NBEAL1: variants seen among roughly 807,000 people sequenced by gnomAD.
The protein encoded by NBEAL1 is neurobeachin-like protein 1.
A neutral mutation model predicts 351.3 loss-of-function variants in NBEAL1; 273 were observed. The observed-to-expected ratio is 0.78, with a 90% CI of 0.70 to 0.86. The LOEUF (loss-of-function observed/expected upper bound fraction) is 0.86. Ranked by LOEUF, NBEAL1 falls within the 40% of genes least tolerant of loss-of-function variation. The pLI, the probability that NBEAL1 is intolerant of heterozygous loss-of-function variation, is 0.00. For synonymous variants in NBEAL1, 1,050 were observed against 1,086.4 expected (o/e 0.97, Z 0.66); for missense variants, 2,961 against 3,201.3 (o/e 0.92, Z 1.81).
Position 203,221,860 on chromosome 2 carries a change from A to G in NBEAL1, c.*4506A>G, listed in dbSNP as rs560894956. On this transcript the variant is annotated 3_prime_UTR_variant, in exon 56 of 56. Coordinates refer to ENST00000683969, the MANE Select transcript of NBEAL1 (RefSeq NM_001378026.1). ...TAGTGTTATCAGTCATCATTTTAATATGATTTAAAATGTGGACCACAGCCT... is the reference window on the plus strand; with the variant it reads ...TAGTGTTATCAGTCATCATTTTAATGTGATTTAAAATGTGGACCACAGCCT... 2.9e-4 allele frequency among the ~76,000 whole-genome samples: 44 copies of G among 152,270 alleles called. No individual in the cohort carries two copies. The highest frequency in any genetic ancestry group is 4.1e-4 in the South Asian group (2 of 4,822).
intron 35 of NBEAL1, among the ~76,000 whole-genome samples, chr2:203,152,638 CG>C: frequency 6.6e-6 from 1 of 151,926 alleles, no homozygotes; most frequent in East Asian, 2.0e-4. Context: ...CAGATCTTAA[CG>C]GGTTTCTGCA....
At chr2:203,024,167 G>C (rs1039325243) in intron 2 of NBEAL1, among the ~76,000 whole-genome samples, 2 of 150,302 alleles carry the variant, frequency 1.3e-5, no homozygotes, top group Non-Finnish European at 3.0e-5. Flanking sequence ...CTCTAGTCCA[G>C]CCTGGGTGAC....
intron 19 of NBEAL1, among the ~76,000 whole-genome samples, chr2:203,123,609 C>T (rs912375590): frequency 2.6e-5 from 4 of 152,176 alleles, no homozygotes; most frequent in Non-Finnish European, 5.9e-5. Flanking sequence ...GCTGGGATTA[C>T]AGGCGTGAGC....
chr2:203,106,566 G>A (rs1441628926), intron 12 of NBEAL1, among the ~76,000 whole-genome samples: 2 of 152,048 alleles, frequency 1.3e-5, no homozygotes, highest in East Asian at 3.9e-4. Context: ...ATTCAAACAT[G>A]AGAAAAGATG....
chr2:203,034,643 A>G (rs1330856667), intron 2 of NBEAL1, among the ~76,000 whole-genome samples: 3 of 148,186 alleles, frequency 2.0e-5, no homozygotes, highest in African/African-American at 7.3e-5. Flanking sequence ...TAGTAGAGAT[A>G]GGGTTTCTCC....
At position 203,107,460 on chromosome 2, in the gene NBEAL1, A is replaced by T; in HGVS notation, c.1310A>T (p.Glu437Val). The T allele has an allele frequency of 6.4e-7, 1 of 1,551,106 alleles. No homozygotes were observed. The highest frequency in any genetic ancestry group is 8.7e-7 in the Non-Finnish European group (1 of 1,146,068). The change falls in exon 13 of 56, where the codon GAA becomes GTA. Residue 437 changes from glutamate (E) to valine (V), a missense_variant. By Grantham distance (121) the Glu-to-Val change is moderately radical. Coordinates refer to ENST00000683969, the MANE Select transcript of NBEAL1 (RefSeq NM_001378026.1). Reference sequence around the variant, plus strand: ...AGAATTGGTTATACACATATGCTTGAAGTATTAAAATCCCTGGGTCAGCCA... The same window carrying T: ...AGAATTGGTTATACACATATGCTTGTAGTATTAAAATCCCTGGGTCAGCCA... ...KERIGYTHMLEVLKSLGQPPL... is the reference protein window; with the variant it reads ...KERIGYTHMLVVLKSLGQPPL...
chr2:203,212,601 C>A (rs1383588464), intron 54 of NBEAL1, among the ~76,000 whole-genome samples: 59 of 129,744 alleles, frequency 4.5e-4, no homozygotes, highest in Admixed American at 2.2e-3. Flanking sequence ...AGCGAGACTC[C>A]ATCTCAAAAA....
chr2:203,112,917 A>T, intron 16 of NBEAL1, 98 bp from the exon 17 acceptor site: 1 of 1,130,724 alleles, frequency 8.8e-7, no homozygotes, highest in Non-Finnish European at 1.2e-6. Context: ...CAATGTATTT[A>T]TTTGTGTAAT....
intron 19 of NBEAL1, among the ~76,000 whole-genome samples, chr2:203,122,887 T>G (rs939494366): frequency 2.0e-5 from 3 of 152,190 alleles, no homozygotes; most frequent in Non-Finnish European, 4.4e-5. Flanking sequence ...ACTGCTTTTT[T>G]CTTTTTTTTA....
intron 31 of NBEAL1, among the ~76,000 whole-genome samples, chr2:203,141,087 G>T (rs1216681197): frequency 1.3e-5 from 2 of 151,136 alleles, no homozygotes; most frequent in African/African-American, 4.9e-5. Context: ...GTAGAATGAG[G>T]ATAGCCTTTT....
In NBEAL1 at chr2:203,199,502, G is replaced by GA. The variant is rs1410968060; in HGVS notation, c.7238+62dup. 2.1e-5 allele frequency: 17 copies of GA among 817,356 alleles called. No individual in the cohort carries two copies. The East Asian group carries it at 2.1e-4, about 10-fold the overall frequency. The allele number at this position is 817,356 out of a possible 1,614,324, so 50.6% of individuals were successfully genotyped here. A position where few individuals can be genotyped will look rare whatever the true frequency, so the allele number is the denominator to read the frequency against. On this transcript the variant is annotated intron_variant, in intron 49 of 55. Coordinates refer to ENST00000683969, the MANE Select transcript of NBEAL1 (RefSeq NM_001378026.1). ...GCTATACCAGATACCTTATTGCCAG[G>GA]AAAAAAACTAGATTAATTGATTCAT...
At chr2:203,136,406 G>C (rs1363486382) in intron 28 of NBEAL1, among the ~76,000 whole-genome samples, 154 bp downstream of exon 28, 1 of 152,146 alleles carries the variant, frequency 6.6e-6, no homozygotes, top group Non-Finnish European at 1.5e-5. Flanking sequence ...GAAGTCACTA[G>C]ATTGTGAGTT....
At chr2:203,141,377 T>TA (rs2063374712) in intron 31 of NBEAL1, among the ~76,000 whole-genome samples, 1 of 83,466 alleles carries the variant, frequency 1.2e-5, no homozygotes, top group Non-Finnish European at 2.4e-5. Context: ...TTTTTTTTTT[T>TA]TTTTTTTTTT....
At chr2:203,039,632 G>C (rs1472781665) in intron 2 of NBEAL1, among the ~76,000 whole-genome samples, 1 of 152,116 alleles carries the variant, frequency 6.6e-6, no homozygotes, top group Non-Finnish European at 1.5e-5. Context: ...GACCTCAGGT[G>C]ATCCGCCTGC....
chr2:203,190,422 C>A, intron 46 of NBEAL1, 33 bp downstream of exon 46: 1 of 1,458,580 alleles, frequency 6.9e-7, no homozygotes, highest in South Asian at 1.2e-5. Flanking sequence ...AGATTTAAGT[C>A]AACTTAAGAA....
chr2:203,087,248 G>A (rs1399147726), intron 10 of NBEAL1, among the ~76,000 whole-genome samples: 1 of 151,476 alleles, frequency 6.6e-6, no homozygotes, highest in Non-Finnish European at 1.5e-5. Context: ...ACCCGCCACC[G>A]TGCCCGGCTA....
chr2:203,022,278 G>A (rs1025000205), intron 2 of NBEAL1, among the ~76,000 whole-genome samples: 4 of 152,072 alleles, frequency 2.6e-5, no homozygotes, highest in Non-Finnish European at 2.9e-5. Flanking sequence ...TATCAAATGC[G>A]TTAACTGAGT....
chr2:203,032,723 G>T (rs2060970706), intron 2 of NBEAL1, among the ~76,000 whole-genome samples: 1 of 121,452 alleles, frequency 8.2e-6, no homozygotes, highest in South Asian at 3.0e-4. Flanking sequence ...GGAGTGCAAT[G>T]GTGCCATCTT....
intron 2 of NBEAL1, among the ~76,000 whole-genome samples, chr2:203,034,392 T>C: frequency 7.6e-6 from 1 of 131,038 alleles, no homozygotes; most frequent in East Asian, 2.0e-4. Flanking sequence ...ATCCTGACCT[T>C]GCGATCCGCC....
Sources: allele counts gnomAD v4.1 joint callset (sites outside exome capture counted in the v4.1 genomes callset), GRCh38; gene constraint gnomAD v4.1.1; transcripts MANE v1.5; gene names NCBI Gene and HGNC (gene_info 2026-07-23, HGNC 2026-07-21).